Variants in DOCK2 observed in about 807,000 individuals in gnomAD.
The protein encoded by DOCK2 is dedicator of cytokinesis 2.
A neutral mutation model predicts 248.9 loss-of-function variants in DOCK2; 87 were observed. The observed-to-expected ratio is 0.35, with a 90% CI of 0.29 to 0.42. DOCK2 has a LOEUF of 0.42. DOCK2 is among the 10% of genes least tolerant of loss of function. The pLI is 1.00. For synonymous variants in DOCK2, 805 were observed against 821.6 expected (o/e 0.98, Z 0.35); for missense variants, 1,747 against 2,300.2 (o/e 0.76, Z 4.92).
At chr5:169,759,169 A>G (rs920346030) in intron 23 of DOCK2, among the ~76,000 whole-genome samples, 6 of 152,208 alleles carry the variant, frequency 3.9e-5, no homozygotes, top group Non-Finnish European at 8.8e-5. Flanking sequence ...CATACCCACT[A>G]TTATTCACAA....
chr5:170,064,884 A>G (rs1757439576), intron 44 of DOCK2, among the ~76,000 whole-genome samples: 1 of 152,200 alleles, frequency 6.6e-6, no homozygotes, highest in African/African-American at 2.4e-5. Flanking sequence ...TTCAAGCTGA[A>G]GGAAGAGGAT....
chr5:169,719,384 G>A (rs1368108273), intron 22 of DOCK2, among the ~76,000 whole-genome samples: 1 of 152,202 alleles, frequency 6.6e-6, no homozygotes, highest in Non-Finnish European at 1.5e-5. Context: ...TTGGCCATAG[G>A]GCAAAGTTAG....
Position 170,082,986 on chromosome 5 carries a change from A to G in DOCK2, c.*128A>G. ...CCCATCAGTTGTCCTTACTTAGAGG[A>G]GACAGAGAGGCCAATCAGGTCCCAG... On this transcript the variant is annotated 3_prime_UTR_variant, in exon 52 of 52. Transcript: ENST00000520908. The G allele has an allele frequency of 8.1e-7, 1 of 1,233,118 alleles. No homozygotes were observed. Among genetic ancestry groups the G allele is most frequent in the Non-Finnish European group, 1.2e-6 (1 of 869,436 alleles). The allele number at this position is 1,233,118 out of a possible 1,614,324, so 76.4% of individuals were successfully genotyped here.
chr5:169,814,888 G>A (rs994640539), intron 26 of DOCK2, among the ~76,000 whole-genome samples: 1 of 152,114 alleles, frequency 6.6e-6, no homozygotes, highest in Non-Finnish European at 1.5e-5. Context: ...GAAAGGACTA[G>A]CCTTACTAGA....
At chr5:170,031,519 A>T (rs183610064) in intron 34 of DOCK2, among the ~76,000 whole-genome samples, 1 of 152,222 alleles carries the variant, frequency 6.6e-6, no homozygotes, top group Non-Finnish European at 1.5e-5. Flanking sequence ...AGCTTTTGTC[A>T]TACTCTGTTG....
chr5:169,942,298 A>C (rs1171723478), intron 27 of DOCK2, among the ~76,000 whole-genome samples: 2 of 152,172 alleles, frequency 1.3e-5, no homozygotes, highest in Admixed American at 1.3e-4. Context: ...GACTTCTCTG[A>C]ATCATGAAGT....
intron 26 of DOCK2, among the ~76,000 whole-genome samples, chr5:169,834,988 AAAACT>A (rs1440547166): frequency 7.2e-5 from 11 of 152,240 alleles, no homozygotes; most frequent in Admixed American, 6.5e-4. Flanking sequence ...AGTACTTAAA[AAAACT>A]AAACATTCAG....
chr5:170,028,321 A>G (rs1352548957), intron 34 of DOCK2, among the ~76,000 whole-genome samples: 2 of 152,200 alleles, frequency 1.3e-5, no homozygotes, highest in Non-Finnish European at 2.9e-5. Flanking sequence ...ATAACTTAGC[A>G]TGCTATTGTG....
intron 22 of DOCK2, among the ~76,000 whole-genome samples, chr5:169,738,417 C>G (rs1426433586): frequency 6.6e-6 from 1 of 152,044 alleles, no homozygotes; most frequent in Non-Finnish European, 1.5e-5. Flanking sequence ...GGGTAAATGG[C>G]TTTTGGGGTG....
Position 169,832,585 on chromosome 5 carries a change from C to T in DOCK2, c.2704-8172C>T, listed in dbSNP as rs78297806. Among the ~76,000 whole-genome samples the T allele has an allele frequency of 5.3e-3, 812 of 152,292 alleles. 12 individuals carry two copies. Among genetic ancestry groups the T allele is most frequent in the African/African-American group, 0.019 (780 of 41,562 alleles). On this transcript the variant is annotated intron_variant, in intron 26 of 51. Coordinates refer to ENST00000520908, the MANE Select transcript of DOCK2 (RefSeq NM_004946.3). ...CTTTCAGGATGGAAACCAGTTCAAA[C>T]AGGAAGAAAGAAGACAGCACTAAAC...
intron 27 of DOCK2, among the ~76,000 whole-genome samples, chr5:169,850,548 T>A (rs927803513): frequency 1.5e-4 from 23 of 151,680 alleles, no homozygotes; most frequent in Non-Finnish European, 3.1e-4. Flanking sequence ...AAGAAAATAG[T>A]AAAAAAAATT....
At chr5:170,006,962 A>G (rs1004864158) in intron 30 of DOCK2, among the ~76,000 whole-genome samples, 1 of 152,198 alleles carries the variant, frequency 6.6e-6, no homozygotes, top group Non-Finnish European at 1.5e-5. Context: ...CTCCTCATCT[A>G]TAATAGAGGA....
At chr5:169,940,515 T>C (rs1776196885) in intron 27 of DOCK2, among the ~76,000 whole-genome samples, 1 of 152,210 alleles carries the variant, frequency 6.6e-6, no homozygotes, top group South Asian at 2.1e-4. Flanking sequence ...GAAATAATTA[T>C]ACAACTCACC....
intron 25 of DOCK2, among the ~76,000 whole-genome samples, chr5:169,802,662 G>A (rs1473254300): frequency 6.6e-6 from 1 of 152,100 alleles, no homozygotes; most frequent in Non-Finnish European, 1.5e-5. Flanking sequence ...ATAACTATAT[G>A]TTTTATACTG....
rs115841644 is a variant in DOCK2, at chr5:170,075,943, C to T, written c.4729-4C>T. 1,320 of 1,613,920 alleles carry T rather than the reference C, an allele frequency of 8.2e-4. 7 individuals are homozygous for T. In the African/African-American group the frequency reaches 0.015, roughly 19 times the overall value. On this transcript the variant is annotated splice_polypyrimidine_tract_variant and splice_region_variant and intron_variant, in intron 46 of 51. Transcript: ENST00000520908. ...TGGCTCATTCTTTACCACTTTCTCT[C>T]CAGATCCCCTTCTTGGGAGCTGGGA...
At chr5:169,999,844 G>C (rs1432336422) in intron 30 of DOCK2, among the ~76,000 whole-genome samples, 1 of 152,110 alleles carries the variant, frequency 6.6e-6, no homozygotes, top group African/African-American at 2.4e-5. Flanking sequence ...TGCCTGTCTT[G>C]GCAGCCACTG....
chr5:169,982,068 CTTTT>C (rs59193932), intron 27 of DOCK2, among the ~76,000 whole-genome samples: 2 of 126,282 alleles, frequency 1.6e-5, no homozygotes, highest in East Asian at 2.3e-4. Context: ...GGTAAAAATG[CTTTT>C]TTTTTTTTTT....
At chr5:169,971,354 A>G (rs565089868) in intron 27 of DOCK2, among the ~76,000 whole-genome samples, 1 of 151,626 alleles carries the variant, frequency 6.6e-6, no homozygotes, top group South Asian at 2.1e-4. Context: ...TGCCCTAGCC[A>G]GGGGTCAGCC....
At chr5:169,831,144 A>G (rs1247804218) in intron 26 of DOCK2, among the ~76,000 whole-genome samples, 1 of 151,544 alleles carries the variant, frequency 6.6e-6, no homozygotes, top group Non-Finnish European at 1.5e-5. Flanking sequence ...CCTCCCTCCC[A>G]CTCAGTGATA....
Sources: allele counts gnomAD v4.1 joint callset (sites outside exome capture counted in the v4.1 genomes callset), GRCh38; gene constraint gnomAD v4.1.1; transcripts MANE v1.5; gene names NCBI Gene and HGNC (gene_info 2026-07-23, HGNC 2026-07-21).